PPARG: variants seen among roughly 807,000 people sequenced by gnomAD.
PPARG encodes the protein peroxisome proliferator-activated receptor gamma.
Under a neutral mutation model 39.2 loss-of-function variants are expected in PPARG, and 17 were observed. The observed-to-expected ratio is 0.43, with a 90% CI of 0.30 to 0.65. The LOEUF (loss-of-function observed/expected upper bound fraction) is 0.65, where lower values mean the gene tolerates loss of function less well. Among genes scored for constraint, PPARG ranks in the 30% least tolerant of loss-of-function variants. PPARG has a pLI of 0.13. For missense variants in PPARG, 406 were observed against 585.9 expected, an observed-to-expected ratio of 0.69 and a Z score of 3.17; for synonymous variants, 223 against 215.7, an observed-to-expected ratio of 1.03 and a Z score of -0.30.
At chr3:12,407,987 C>T (rs1238477340) in intron 6 of PPARG, among the ~76,000 whole-genome samples, 1 of 152,066 alleles carries the variant, frequency 6.6e-6, no homozygotes, top group African/African-American at 2.4e-5. Context: ...AAATAAAGTC[C>T]AGAGAGGTTA....
intron 2 of PPARG, chr3:12,328,157 A>G: frequency 7.9e-7 from 1 of 1,266,368 alleles, no homozygotes; most frequent in Non-Finnish European, 1.2e-6. Context: ...CTGTTAGAGA[A>G]GCAGCAAATA....
chr3:12,329,863 TG>T (rs1350115287), intron 2 of PPARG, among the ~76,000 whole-genome samples: 1 of 152,198 alleles, frequency 6.6e-6, no homozygotes, highest in East Asian at 1.9e-4. Flanking sequence ...ATATTCCAGT[TG>T]TTTCATATAA....
At chr3:12,371,605 C>T (rs1044348439) in intron 2 of PPARG, among the ~76,000 whole-genome samples, 4 of 152,072 alleles carry the variant, frequency 2.6e-5, no homozygotes, top group African/African-American at 9.7e-5. Context: ...CACTAAAGAC[C>T]CCCAAAAAAT....
intron 4 of PPARG, among the ~76,000 whole-genome samples, chr3:12,383,292 G>A (rs763267196): frequency 5.3e-5 from 8 of 152,132 alleles, no homozygotes; most frequent in South Asian, 2.1e-4. Context: ...ACTAAAACCC[G>A]TTCGTTCTGT....
At chr3:12,423,138 G>A (rs1358900156) in intron 7 of PPARG, among the ~76,000 whole-genome samples, 1 of 152,064 alleles carries the variant, frequency 6.6e-6, no homozygotes, top group Non-Finnish European at 1.5e-5. Flanking sequence ...CCACAAAAAT[G>A]GACAGTCAAC....
Position 12,313,823 on chromosome 3 carries a change from A to C in PPARG, c.-9+1370A>C, listed in dbSNP as rs553567140. 5.3e-5 allele frequency among the ~76,000 whole-genome samples: 8 copies of C among 152,340 alleles called. No homozygotes were observed. In the East Asian group the frequency reaches 1.5e-3, roughly 29 times the overall value. On this transcript the variant is annotated intron_variant, in intron 2 of 7. Transcript: ENST00000651735. Reference sequence around the variant, plus strand: ...AATAAAATGTATACACATGAGTCCAAATTGATATACATAAATGACTGAATA... The same window carrying C: ...AATAAAATGTATACACATGAGTCCACATTGATATACATAAATGACTGAATA...
At chr3:12,310,543 A>G (rs1446283003) in intron 1 of PPARG, among the ~76,000 whole-genome samples, 1 of 76,884 alleles carries the variant, frequency 1.3e-5, no homozygotes, top group Non-Finnish European at 2.7e-5. Context: ...GGCTCACTGC[A>G]AGCTCCGCCT....
intron 1 of PPARG, among the ~76,000 whole-genome samples, chr3:12,294,480 G>A (rs975758046): frequency 9.9e-5 from 15 of 152,142 alleles, no homozygotes; most frequent in African/African-American, 3.6e-4. Flanking sequence ...ACTCTTCCAG[G>A]CTTTAAAAGT....
intron 4 of PPARG, among the ~76,000 whole-genome samples, chr3:12,384,005 G>T (rs1021852317): frequency 6.6e-6 from 1 of 151,990 alleles, no homozygotes; most frequent in African/African-American, 2.4e-5. Flanking sequence ...AAAACTAAGC[G>T]TATTGTATAC....
At chr3:12,409,076 G>A (rs972351784) in intron 6 of PPARG, among the ~76,000 whole-genome samples, 1 of 152,176 alleles carries the variant, frequency 6.6e-6, no homozygotes, top group African/African-American at 2.4e-5. Flanking sequence ...GAGGCCAAGC[G>A]TTTGTCATTT....
At chr3:12,407,325 T>C (rs958855634) in intron 6 of PPARG, among the ~76,000 whole-genome samples, 4 of 152,276 alleles carry the variant, frequency 2.6e-5, no homozygotes, top group South Asian at 2.1e-4. Context: ...CATGCCCAGC[T>C]AATTTTTTTG....
intron 2 of PPARG, among the ~76,000 whole-genome samples, chr3:12,334,980 T>C: frequency 6.6e-6 from 1 of 152,244 alleles, no homozygotes; most frequent in East Asian, 1.9e-4. Flanking sequence ...TGGCCTCCTG[T>C]GATGAGTCAC....
intron 2 of PPARG, among the ~76,000 whole-genome samples, chr3:12,348,008 T>A (rs1487269767): frequency 6.6e-6 from 1 of 152,214 alleles, no homozygotes; most frequent in Non-Finnish European, 1.5e-5. Context: ...ATACCAATAC[T>A]AACATAGCTT....
chr3:12,401,804 A>G (rs760615422), intron 5 of PPARG, among the ~76,000 whole-genome samples: 1 of 152,162 alleles, frequency 6.6e-6, no homozygotes, highest in Non-Finnish European at 1.5e-5. Flanking sequence ...ATGGAACCTA[A>G]TTTGTAGCAT....
At chr3:12,311,047 A>G (rs1366875728) in intron 1 of PPARG, among the ~76,000 whole-genome samples, 2 of 152,176 alleles carry the variant, frequency 1.3e-5, no homozygotes, top group East Asian at 3.8e-4. Context: ...AAAGAAGAAC[A>G]TGTCCCATTC....
intron 2 of PPARG, among the ~76,000 whole-genome samples, chr3:12,346,596 C>CT (rs980713428): frequency 6.7e-4 from 97 of 145,424 alleles, no homozygotes; most frequent in Middle Eastern, 3.5e-3. Flanking sequence ...TTAAGAAGAC[C>CT]TTTTTTTTTT....
At chr3:12,344,548 C>G (rs1005525240) in intron 2 of PPARG, among the ~76,000 whole-genome samples, 2 of 152,140 alleles carry the variant, frequency 1.3e-5, no homozygotes, top group Non-Finnish European at 2.9e-5. Context: ...TATTTTCAGT[C>G]AAATATCTAT....
At chr3:12,422,019 G>T (rs947607340) in intron 7 of PPARG, among the ~76,000 whole-genome samples, 9 of 152,148 alleles carry the variant, frequency 5.9e-5, no homozygotes, top group African/African-American at 2.2e-4. Flanking sequence ...ATGTTAATTG[G>T]ATAACACCTA....
chr3:12,316,231 C>T (rs2047383687), intron 2 of PPARG, among the ~76,000 whole-genome samples: 1 of 152,170 alleles, frequency 6.6e-6, no homozygotes, highest in African/African-American at 2.4e-5. Context: ...TAAATTCAAG[C>T]ATTTTGACAT....
Sources: gnomAD v4.1 joint callset for allele counts (sites outside exome capture counted in the v4.1 genomes callset) on GRCh38, gnomAD v4.1.1 for gene constraint, MANE v1.5 for transcripts, NCBI Gene and HGNC (gene_info 2026-07-23, HGNC 2026-07-21) for gene names.